The following PPP2R2A variants were observed in gnomAD, a reference collection of about 807,000 sequenced individuals.
PPP2R2A encodes protein phosphatase 2 regulatory subunit Balpha.
Under a neutral mutation model 53.2 loss-of-function variants are expected in PPP2R2A, and 9 were observed. The ratio of observed to expected loss-of-function variants is 0.17; its 90% confidence interval spans 0.10 to 0.30. The LOEUF (loss-of-function observed/expected upper bound fraction) is 0.30. Ranked by LOEUF, PPP2R2A falls within the 10% of genes least tolerant of loss-of-function variation. PPP2R2A has a pLI of 1.00. For synonymous variants in PPP2R2A, 169 were observed against 174.2 expected (o/e 0.97, Z 0.23); for missense variants, 235 against 534.6 (o/e 0.44, Z 5.53).
chr8:26,324,075 T>A (rs1056340083), intron 2 of PPP2R2A, among the ~76,000 whole-genome samples: 2 of 152,236 alleles, frequency 1.3e-5, no homozygotes, highest in Non-Finnish European at 2.9e-5. Context: ...TTAATCTCAC[T>A]GGCTTTCTTG....
chr8:26,342,020 A>G (rs998674302), intron 3 of PPP2R2A, among the ~76,000 whole-genome samples: 6 of 152,192 alleles, frequency 3.9e-5, no homozygotes, highest in South Asian at 2.1e-4. Flanking sequence ...TGAGTAGCCA[A>G]TTCAGAGGGT....
intron 2 of PPP2R2A, among the ~76,000 whole-genome samples, chr8:26,302,626 A>G (rs916891718): frequency 1.3e-5 from 2 of 152,224 alleles, no homozygotes; most frequent in South Asian, 2.1e-4. Flanking sequence ...TACCTGAAAC[A>G]CCTATTAAAA....
At chr8:26,342,508 C>T (rs948544272) in intron 3 of PPP2R2A, among the ~76,000 whole-genome samples, 3 of 152,092 alleles carry the variant, frequency 2.0e-5, no homozygotes, top group Non-Finnish European at 4.4e-5. Context: ...TAGCTGGTTT[C>T]CTACTGAGTT....
chr8:26,306,710 G>C (rs535916902), intron 2 of PPP2R2A, among the ~76,000 whole-genome samples: 1 of 152,194 alleles, frequency 6.6e-6, no homozygotes, highest in South Asian at 2.1e-4. Context: ...TTTATTAGAT[G>C]ATGCATGCCT....
chr8:26,355,436 G>A (rs1804723994), intron 4 of PPP2R2A, among the ~76,000 whole-genome samples: 1 of 152,080 alleles, frequency 6.6e-6, no homozygotes, highest in African/African-American at 2.4e-5. Flanking sequence ...TAGAGACTGG[G>A]TCTCCCTATG....
rs1481376509 is a variant in PPP2R2A, at chr8:26,360,248, G to T, written c.426G>T (p.Arg142Ser). ...EGYNLKEEDGRYRDPTTVTTL... is the reference protein window; with the variant it reads ...EGYNLKEEDGSYRDPTTVTTL... ...ATAACTTGAAAGAGGAGGATGGAAG[G>T]TATAGAGATCCTACTACAGTTACTA... Residue 142 changes from arginine to serine, a missense_variant, in exon 5 of 10, where the codon AGG becomes AGT. Physicochemically the swap from Arg to Ser is moderately radical, Grantham distance 110 (BLOSUM62 -1). Around this residue, in one of 3 missense-constraint regions of PPP2R2A, gnomAD observed 181 missense variants for 409.9 expected, o/e 0.44. Coordinates refer to ENST00000380737, the MANE Select transcript of PPP2R2A (RefSeq NM_002717.4). This position sits in a 1 kb window ranked among gnomAD's most constrained non-coding sequence, Gnocchi z 4.5. The T allele has an allele frequency of 1.0e-5, 16 of 1,607,658 alleles. No homozygotes were observed. The highest frequency in any genetic ancestry group is 1.4e-5 in the Non-Finnish European group (16 of 1,175,300).
At position 26,371,297 on chromosome 8, in the gene PPP2R2A, A is replaced by G. The variant is rs1316027995; in HGVS notation, c.*884A>G. 1.3e-5 allele frequency: 2 copies of G among 150,452 alleles called. No homozygotes were observed. Among genetic ancestry groups the G allele is most frequent in the South Asian group, 2.1e-4 (1 of 4,798 alleles). 9.3% of individuals were successfully genotyped at this position (150,452 alleles called of 1,614,324 possible). A position where few individuals can be genotyped will look rare whatever the true frequency, so the allele number is the denominator to read the frequency against. ...GCAGGAGGAGAGGTATTGGTTCTCT[A>G]TGAACATATTTTGAATATAGGTTTT... On this transcript the variant is annotated 3_prime_UTR_variant, in exon 10 of 10. Coordinates refer to ENST00000380737, the MANE Select transcript of PPP2R2A (RefSeq NM_002717.4).
intron 3 of PPP2R2A, among the ~76,000 whole-genome samples, chr8:26,350,991 AAAAAC>A (rs992445655): frequency 5.8e-4 from 88 of 152,232 alleles, no homozygotes; most frequent in African/African-American, 1.6e-3. Context: ...ATCTTTTTTA[AAAAAC>A]AAAACAAAAC....
At position 26,370,050 on chromosome 8, in the gene PPP2R2A, C is replaced by A; in HGVS notation, c.1065-84C>A. On this transcript the variant is annotated intron_variant, in intron 9 of 9. Coordinates refer to ENST00000380737, the MANE Select transcript of PPP2R2A (RefSeq NM_002717.4). This position sits in a 1 kb window ranked among gnomAD's most constrained non-coding sequence, Gnocchi z 6.1. Reference sequence around the variant, plus strand: ...TTAAATCTGCTTTTGAAGTAGCTTCCTATGGTTTAATTGCCGAATCATTTT... The same window carrying A: ...TTAAATCTGCTTTTGAAGTAGCTTCATATGGTTTAATTGCCGAATCATTTT... 1 of 1,424,714 alleles carries A rather than the reference C, an allele frequency of 7.0e-7. No homozygotes were observed. Among genetic ancestry groups the A allele is most frequent in the Non-Finnish European group, 9.7e-7 (1 of 1,035,660 alleles). The allele number at this position is 1,424,714 out of a possible 1,614,324, so 88.3% of individuals were successfully genotyped here. A position where few individuals can be genotyped will look rare whatever the true frequency, so the allele number is the denominator to read the frequency against.
intron 1 of PPP2R2A, chr8:26,293,317 T>G (rs1055326414): frequency 6.0e-6 from 9 of 1,489,042 alleles, no homozygotes; most frequent in Non-Finnish European, 8.1e-6. Context: ...CTGCAGGCTT[T>G]TTGTACACTT....
At chr8:26,368,301 TGTAA>T (rs1367089220) in intron 9 of PPP2R2A, among the ~76,000 whole-genome samples, 2 of 152,238 alleles carry the variant, frequency 1.3e-5, no homozygotes, top group African/African-American at 2.4e-5. Context: ...GACCTTTGTA[TGTAA>T]GTATTACTTT....
At chr8:26,307,400 A>T (rs1802069915) in intron 2 of PPP2R2A, among the ~76,000 whole-genome samples, 1 of 152,180 alleles carries the variant, frequency 6.6e-6, no homozygotes, top group Non-Finnish European at 1.5e-5. Context: ...TGATTTATTT[A>T]ATTAAGACTG....
rs1004741992 is a variant in PPP2R2A at position 26,291,756 on chromosome 8, G to C, written c.-64G>C. 64 of 1,573,714 alleles carry C rather than the reference G, an allele frequency of 4.1e-5. No individual in the cohort carries two copies. In the Admixed American group the frequency reaches 7.7e-4, roughly 19 times the overall value. On this transcript the variant is annotated 5_prime_UTR_variant, in exon 1 of 10. Coordinates refer to ENST00000380737, the MANE Select transcript of PPP2R2A (RefSeq NM_002717.4). Reference sequence around the variant, plus strand: ...TCTCTACCCCCCCATCCCCAGGTGAGGGGGGTGAGTTCAGGAAGCGGAGAC... The same window carrying C: ...TCTCTACCCCCCCATCCCCAGGTGACGGGGGTGAGTTCAGGAAGCGGAGAC...
Position 26,370,710 on chromosome 8 carries a change from A to C in PPP2R2A, c.*297A>C. The C allele has an allele frequency of 2.6e-6, 1 of 383,600 alleles. No homozygotes were observed. The highest frequency in any genetic ancestry group is 4.8e-6 in the Non-Finnish European group (1 of 206,208). The allele number at this position is 383,600 out of a possible 1,614,324, so 23.8% of individuals were successfully genotyped here. A position where few individuals can be genotyped will look rare whatever the true frequency, so the allele number is the denominator to read the frequency against. On this transcript the variant is annotated 3_prime_UTR_variant, in exon 10 of 10. Transcript: ENST00000380737. The surrounding 1 kb of genome is among the most constrained non-coding windows in gnomAD (Gnocchi z 6.1). ...GACTGTATCAACATTGATTTACTCCACTTTTTATGCCTTCCATTGTGATGA... is the reference window on the plus strand; with the variant it reads ...GACTGTATCAACATTGATTTACTCCCCTTTTTATGCCTTCCATTGTGATGA...
At chr8:26,364,577 T>C (rs1805272299) in intron 8 of PPP2R2A, among the ~76,000 whole-genome samples, 3 of 152,238 alleles carry the variant, frequency 2.0e-5, no homozygotes, top group African/African-American at 7.2e-5. Flanking sequence ...CTCTAATTTA[T>C]ACATATACTT....
At chr8:26,341,838 A>AT (rs1425881629) in intron 3 of PPP2R2A, among the ~76,000 whole-genome samples, 1 of 152,224 alleles carries the variant, frequency 6.6e-6, no homozygotes, top group Non-Finnish European at 1.5e-5. Context: ...AAGAGATCAT[A>AT]TAACAGCAAC....
intron 2 of PPP2R2A, among the ~76,000 whole-genome samples, chr8:26,304,230 A>G (rs1464873486): frequency 6.6e-6 from 1 of 151,202 alleles, no homozygotes; most frequent in Non-Finnish European, 1.5e-5. Flanking sequence ...TATGGGAGGG[A>G]TTAATCATCT....
intron 2 of PPP2R2A, among the ~76,000 whole-genome samples, chr8:26,303,751 T>TA (rs911943906): frequency 5.9e-4 from 89 of 151,772 alleles, no homozygotes; most frequent in African/African-American, 1.9e-3. Context: ...GAATGTAATT[T>TA]AAAAAAAAAC....
rs1407349854 is a variant in PPP2R2A, at chr8:26,371,893, G to C, written c.*1480G>C. The C allele has an allele frequency of 2.0e-5, 3 of 152,176 alleles. No homozygotes were observed. The highest frequency in any genetic ancestry group is 7.2e-5 in the African/African-American group (3 of 41,450). 9.4% of individuals were successfully genotyped at this position (152,176 alleles called of 1,614,324 possible). A position where few individuals can be genotyped will look rare whatever the true frequency, so the allele number is the denominator to read the frequency against. ...GTCTTGCAGAAACTTTAATGGAGAA[G>C]AAATGGACTTTATTTTTGAAAGGTG... On this transcript the variant is annotated 3_prime_UTR_variant, in exon 10 of 10. Transcript: ENST00000380737.
Sources: gnomAD v4.1 joint callset for allele counts (sites outside exome capture counted in the v4.1 genomes callset) on GRCh38, gnomAD v4.1.1 for gene constraint, gnomAD v4.1.1 regional missense constraint, Gnocchi (gnomAD v3.1) non-coding constraint, MANE v1.5 for transcripts, NCBI Gene and HGNC (gene_info 2026-07-23, HGNC 2026-07-21) for gene names.